The following ANKRD16 variants were observed in gnomAD, a reference collection of about 807,000 sequenced individuals.
ANKRD16 encodes the protein ankyrin repeat domain 16, also known as ankyrin repeat domain-containing protein 16.
A neutral mutation model predicts 37.9 loss-of-function variants in ANKRD16; 35 were observed. The observed-to-expected ratio is 0.92, with a 90% CI of 0.71 to 1.23. The LOEUF is 1.23. ANKRD16 is among the 50% of genes most tolerant of loss of function. The pLI is 0.00. For missense variants in ANKRD16, 480 were observed against 469.9 expected (o/e 1.02, Z -0.20); for synonymous variants, 206 against 197.2 (o/e 1.04, Z -0.37).
intron 6 of ANKRD16, among the ~76,000 whole-genome samples, chr10:5,879,945 G>A (rs923141945): frequency 2.6e-5 from 4 of 152,060 alleles, no homozygotes; most frequent in Non-Finnish European, 4.4e-5. Flanking sequence ...GATTGTTTGA[G>A]GTCAGGAGTT....
At position 5,881,438 on chromosome 10, in the gene ANKRD16, T is replaced by TTATATA. The variant is rs869185709; in HGVS notation, c.850-1068_850-1063dup. ...ATATTTTATAAAATAAAAATATTAT[T>TTATATA]TATATATATATATATATATATATAT... On this transcript the variant is annotated intron_variant, in intron 5 of 7. Transcript: ENST00000380094. Among the ~76,000 whole-genome samples the TTATATA allele has an allele frequency of 6.3e-3, 319 of 50,838 alleles. 1 individual carries two copies. Among genetic ancestry groups the TTATATA allele is most frequent in the African/African-American group, 7.1e-3 (96 of 13,548 alleles). The allele number at this position is 50,838 out of a possible 152,430, so 33.4% of individuals were successfully genotyped here.
chr10:5,886,953 T>C (rs1271421352), intron 2 of ANKRD16, among the ~76,000 whole-genome samples: 1 of 152,218 alleles, frequency 6.6e-6, no homozygotes, highest in Admixed American at 6.5e-5. Context: ...TGAGTATCTA[T>C]ATTTATTTAA....
At chr10:5,881,474 A>ATATATG (rs1842314794) in intron 5 of ANKRD16, among the ~76,000 whole-genome samples, 3 of 94,270 alleles carry the variant, frequency 3.2e-5, no homozygotes, top group African/African-American at 1.2e-4. Flanking sequence ...ATATATATAT[A>ATATATG]TATATATTTG....
intron 4 of ANKRD16, among the ~76,000 whole-genome samples, chr10:5,883,564 G>C (rs1842355961): frequency 6.6e-6 from 1 of 152,156 alleles, no homozygotes; most frequent in South Asian, 2.1e-4. Flanking sequence ...CAAAGTGCTG[G>C]GATTACAGGC....
chr10:5,862,560 A>T lies in ANKRD16; in HGVS notation c.*165T>A. The T allele has an allele frequency of 2.4e-6, 3 of 1,272,386 alleles. No individual in the cohort carries two copies. Among genetic ancestry groups the T allele is most frequent in the Non-Finnish European group, 3.1e-6 (3 of 974,814 alleles). 78.8% of individuals were successfully genotyped at this position (1,272,386 alleles called of 1,614,324 possible). ...TTCACCACTGGTACACCTCAGATAT[A>T]CAACTTTGATCTCGCTGGGGTCAAA... On this transcript the variant is annotated 3_prime_UTR_variant, in exon 8 of 8. Transcript: ENST00000380094. The surrounding 1 kb of genome is among the most constrained non-coding windows in gnomAD (Gnocchi z 6.5).
intron 7 of ANKRD16, among the ~76,000 whole-genome samples, chr10:5,875,713 CTTT>C (rs71388492): frequency 4.2e-4 from 45 of 106,362 alleles, no homozygotes; most frequent in Non-Finnish European, 4.5e-4. Context: ...AATTAATGTT[CTTT>C]TTTTTTTTTT....
intron 2 of ANKRD16, among the ~76,000 whole-genome samples, chr10:5,887,136 A>C (rs566689792): frequency 6.6e-6 from 1 of 152,356 alleles, no homozygotes; most frequent in South Asian, 2.1e-4. Context: ...TAAACTCTAC[A>C]ACAACCCTGA....
At position 5,881,438 on chromosome 10, in the gene ANKRD16, T is replaced by TTATAAATATATATATATATATATATA. The variant is rs1422263395; in HGVS notation, c.850-1063_850-1062insTATATATATATATATATATATTTATA. Among the ~76,000 whole-genome samples, 24 of 51,008 alleles carry TTATAAATATATATATATATATATATA rather than the reference T, an allele frequency of 4.7e-4. 2 individuals carry two copies. Among genetic ancestry groups the TTATAAATATATATATATATATATATA allele is most frequent in the Admixed American group, 7.5e-4 (3 of 3,974 alleles). 33.5% of individuals were successfully genotyped at this position (51,008 alleles called of 152,430 possible). ...ATATTTTATAAAATAAAAATATTAT[T>TTATAAATATATATATATATATATATA]TATATATATATATATATATATATAT... is the stretch of plus-strand genomic sequence containing the variant. On this transcript the variant is annotated intron_variant, in intron 5 of 7. Transcript: ENST00000380094.
chr10:5,877,102 T>C (rs1032291629), intron 7 of ANKRD16, among the ~76,000 whole-genome samples: 8 of 125,808 alleles, frequency 6.4e-5, no homozygotes, highest in African/African-American at 2.5e-4. Context: ...AATATCTTAG[T>C]TACATTTTCT....
At position 5,878,024 on chromosome 10, in the gene ANKRD16, A is replaced by C; in HGVS notation, c.*33+73T>G. On this transcript the variant is annotated intron_variant, in intron 7 of 7. Coordinates refer to ENST00000380094, the MANE Select transcript of ANKRD16 (RefSeq NM_019046.3). This position sits in a 1 kb window ranked among gnomAD's most constrained non-coding sequence, Gnocchi z 5.1. The stretch of plus-strand genomic sequence containing the variant: ...CAGGATGAGGGAAGGGAGGAAGTGG[A>C]GGAGATGGAAAACTGGCTTCCAACT... 2 of 1,453,254 alleles carry C rather than the reference A, an allele frequency of 1.4e-6. No homozygotes were observed. Among genetic ancestry groups the C allele is most frequent in the Non-Finnish European group, 1.9e-6 (2 of 1,069,202 alleles). The allele number at this position is 1,453,254 out of a possible 1,614,324, so 90.0% of individuals were successfully genotyped here.
rs370818339 is a variant in ANKRD16 at position 5,883,036 on chromosome 10, G to T, written c.819C>A (p.Thr273=). 20 of 1,613,820 alleles carry T rather than the reference G, an allele frequency of 1.2e-5. No homozygotes were observed. The highest frequency in any genetic ancestry group is 1.5e-5 in the Non-Finnish European group (18 of 1,180,052). Reference sequence around the variant, plus strand: ...CTGCATAATGAAGTGCTGTGAGGTGGGTTGATGTGGCTCTCACATCTACAT... The same window carrying T: ...CTGCATAATGAAGTGCTGTGAGGTGTGTTGATGTGGCTCTCACATCTACAT... ...GVDVDVRATS[T]HLTALHYAAK... The change falls in exon 5 of 8, where the codon ACC becomes ACA. Residue 273 remains threonine, a synonymous_variant. Transcript: ENST00000380094.
intron 2 of ANKRD16, among the ~76,000 whole-genome samples, chr10:5,886,436 T>C (rs1004659350): frequency 3.3e-5 from 5 of 152,064 alleles, no homozygotes; most frequent in Non-Finnish European, 5.9e-5. Flanking sequence ...ACTAAAAATA[T>C]GAAAATTAGC....
chr10:5,889,461 TGCCCCGCGCGCCCCGAACCCGGCAGAACC>T lies in ANKRD16; in HGVS notation c.-136_-108del, dbSNP rs1842554951. Reference sequence around the variant, plus strand: ...GGACTTTCCGCCTCTTCACGCAACCTGCCCCGCGCGCCCCGAACCCGGCAGAACCGCCCCTCACGCCCCCGGCTTTGTCC... The same window carrying T: ...GGACTTTCCGCCTCTTCACGCAACCTGCCCCTCACGCCCCCGGCTTTGTCC... On this transcript the variant is annotated 5_prime_UTR_variant, in exon 1 of 8. Transcript: ENST00000380094. 2 of 821,512 alleles carry T rather than the reference TGCCCCGCGCGCCCCGAACCCGGCAGAACC, an allele frequency of 2.4e-6. No individual in the cohort carries two copies. Among genetic ancestry groups the T allele is most frequent in the African/African-American group, 1.8e-5 (1 of 55,050 alleles). The allele number at this position is 821,512 out of a possible 1,614,324, so 50.9% of individuals were successfully genotyped here. A position where few individuals can be genotyped will look rare whatever the true frequency, so the allele number is the denominator to read the frequency against.
chr10:5,872,851 C>T (rs558102489), intron 7 of ANKRD16, among the ~76,000 whole-genome samples: 27 of 150,708 alleles, frequency 1.8e-4, no homozygotes, highest in African/African-American at 4.9e-4. Context: ...CCACCGCGCC[C>T]GGCCCTGCAT....
chr10:5,885,914 C>T (rs543838125), intron 2 of ANKRD16, 149 bp from the exon 3 acceptor site: 8 of 702,716 alleles, frequency 1.1e-5, no homozygotes, highest in Admixed American at 8.2e-5. Flanking sequence ...CCGCCCTACA[C>T]GAATAAATAT....
intron 2 of ANKRD16, among the ~76,000 whole-genome samples, 167 bp downstream of exon 2, chr10:5,887,680 C>G (rs996834435): frequency 2.7e-5 from 4 of 148,794 alleles, no homozygotes; most frequent in African/African-American, 1.0e-4. Context: ...CCACTGCACC[C>G]GCGCCCCCGC....
At chr10:5,877,154 C>T (rs919800765) in intron 7 of ANKRD16, among the ~76,000 whole-genome samples, 4 of 152,014 alleles carry the variant, frequency 2.6e-5, no homozygotes, top group Admixed American at 6.6e-5. Context: ...GCTCTGTCGC[C>T]CAGGCTGGAG....
In ANKRD16 at chr10:5,889,560, G is replaced by A. The variant is rs771551951; in HGVS notation, c.-206C>T. The A allele has an allele frequency of 1.5e-3, 420 of 274,888 alleles. No homozygotes were observed. Among genetic ancestry groups the A allele is most frequent in the Non-Finnish European group, 1.6e-3 (245 of 156,068 alleles). 17.0% of individuals were successfully genotyped at this position (274,888 alleles called of 1,614,324 possible). A position where few individuals can be genotyped will look rare whatever the true frequency, so the allele number is the denominator to read the frequency against. On this transcript the variant is annotated 5_prime_UTR_variant, in exon 1 of 8. Transcript: ENST00000380094. ...AAACCCCCGGCCTAGTCCGCAGGCG[G>A]GCTGCCCCCTCACAGCCCCGGCCTG...
At chr10:5,879,454 C>A (rs1175983896) in intron 6 of ANKRD16, among the ~76,000 whole-genome samples, 3 of 149,958 alleles carry the variant, frequency 2.0e-5, no homozygotes, top group African/African-American at 7.4e-5. Flanking sequence ...GGTGACAGAG[C>A]GAGACTTTGT....
Sources: gnomAD v4.1 joint callset for allele counts (sites outside exome capture counted in the v4.1 genomes callset) on GRCh38, gnomAD v4.1.1 for gene constraint, Gnocchi (gnomAD v3.1) non-coding constraint, MANE v1.5 for transcripts, NCBI Gene and HGNC (gene_info 2026-07-23, HGNC 2026-07-21) for gene names.